MMADHC: variants seen among roughly 807,000 people sequenced by gnomAD.
The protein encoded by MMADHC is cobalamin trafficking protein CblD.
Under a neutral mutation model 36.3 loss-of-function variants are expected in MMADHC, and 23 were observed. The observed-to-expected ratio is 0.63, with a 90% CI of 0.46 to 0.90. The LOEUF is 0.90. MMADHC is among the 40% of genes least tolerant of loss of function. The pLI is 0.00. For synonymous variants in MMADHC, 97 were observed against 116.1 expected, an observed-to-expected ratio of 0.84 and a Z score of 1.06; for missense variants, 330 against 348.0, an observed-to-expected ratio of 0.95 and a Z score of 0.41.
chr2:149,576,768 T>C (rs573805349), intron 4 of MMADHC, among the ~76,000 whole-genome samples: 107 of 152,318 alleles, frequency 7.0e-4, no homozygotes, highest in Non-Finnish European at 1.4e-3. Context: ...AGAGCATGAA[T>C]ATATAAATAT....
At chr2:149,577,826 T>C (rs548719495) in intron 4 of MMADHC, among the ~76,000 whole-genome samples, 1 of 152,302 alleles carries the variant, frequency 6.6e-6, no homozygotes, top group African/African-American at 2.4e-5. Context: ...GAGACCATCC[T>C]AGCCAACATG....
chr2:149,577,666 AG>A (rs1259591909), intron 4 of MMADHC, among the ~76,000 whole-genome samples: 3 of 151,728 alleles, frequency 2.0e-5, no homozygotes, highest in African/African-American at 7.3e-5. Flanking sequence ...TCAAAAAAAA[AG>A]AAAGAAAAAA....
intron 5 of MMADHC, 39 bp from the exon 6 acceptor site, chr2:149,575,880 T>G: frequency 6.6e-7 from 1 of 1,511,888 alleles, no homozygotes; most frequent in Non-Finnish European, 9.0e-7. Flanking sequence ...GAAAAGAATT[T>G]GATTTTTAAA....
chr2:149,569,781 G>T lies in MMADHC; in HGVS notation c.*193C>A. The T allele has an allele frequency of 1.7e-6, 1 of 572,482 alleles. No individual in the cohort carries two copies. The highest frequency in any genetic ancestry group is 3.1e-6 in the Non-Finnish European group (1 of 321,618). The allele number at this position is 572,482 out of a possible 1,614,324, so 35.5% of individuals were successfully genotyped here. A position where few individuals can be genotyped will look rare whatever the true frequency, so the allele number is the denominator to read the frequency against. ...CCTATACAATGTGGATGTGTTCAAC[G>T]TGTATTCAATGATATGAATAAATGA... On this transcript the variant is annotated 3_prime_UTR_variant, in exon 8 of 8. Coordinates refer to ENST00000303319, the MANE Select transcript of MMADHC (RefSeq NM_015702.3).
Position 149,569,945 on chromosome 2 carries a change from A to G in MMADHC, c.*29T>C. The stretch of plus-strand genomic sequence containing the variant: ...AGATCAACCCAAATATTACATACAA[A>G]TAGTACAGCAAATGAATGGATATTT... On this transcript the variant is annotated 3_prime_UTR_variant, in exon 8 of 8. Coordinates refer to ENST00000303319, the MANE Select transcript of MMADHC (RefSeq NM_015702.3). The G allele has an allele frequency of 6.3e-7, 1 of 1,595,856 alleles. No homozygotes were observed.
intron 6 of MMADHC, among the ~76,000 whole-genome samples, chr2:149,571,707 G>A (rs917534410): frequency 2.0e-5 from 3 of 151,286 alleles, no homozygotes; most frequent in African/African-American, 4.9e-5. Context: ...GTGAACCCGG[G>A]AGGCAGAGCT....
At chr2:149,582,339 T>G in intron 2 of MMADHC, 68 bp from the exon 3 acceptor site, 30 of 1,524,964 alleles carry the variant, frequency 2.0e-5, no homozygotes, top group Middle Eastern at 1.7e-4. Flanking sequence ...AGACAATCTC[T>G]GGCAAATCTT....
At chr2:149,585,834 T>TA (rs1304873438) in intron 2 of MMADHC, among the ~76,000 whole-genome samples, 3 of 152,254 alleles carry the variant, frequency 2.0e-5, no homozygotes. Context: ...TACTGAAACT[T>TA]AAATTTATTT....
rs760971849 is a variant in MMADHC at position 149,576,542 on chromosome 2, C to G, written c.373G>C (p.Gly125Arg). The G allele has an allele frequency of 6.9e-6, 11 of 1,601,822 alleles. No homozygotes were observed. The South Asian group carries it at 1.2e-4, about 18-fold the overall frequency. ...VMAQYVNEFQ[G>R]NDAPVEQEIN... ...TCTTGTTCAACAGGTGCATCATTACCCTAAGGGGAACAAGGATATAAGTCA... is the reference window on the plus strand; with the variant it reads ...TCTTGTTCAACAGGTGCATCATTACGCTAAGGGGAACAAGGATATAAGTCA... The change falls in exon 5 of 8, where the codon GGT becomes CGT. Residue 125 changes from glycine to arginine, a missense_variant and splice_region_variant. Transcript: ENST00000303319.
chr2:149,573,268 C>CA (rs1436199276), intron 6 of MMADHC, among the ~76,000 whole-genome samples: 2 of 151,430 alleles, frequency 1.3e-5, no homozygotes, highest in African/African-American at 4.9e-5. Flanking sequence ...AAACAAACAA[C>CA]AAAAAACCCA....
intron 2 of MMADHC, 106 bp downstream of exon 2, chr2:149,586,983 A>G: frequency 8.6e-7 from 1 of 1,157,448 alleles, no homozygotes; most frequent in South Asian, 1.2e-5. Context: ...GATACATTAT[A>G]TCTAACACTA....
chr2:149,575,955 G>T lies in MMADHC; in HGVS notation c.479-114C>A, dbSNP rs10932467. Reference sequence around the variant, plus strand: ...AAAATGCTGATTAAGTAAAATTACTGTGGTATTAGTTAATTTTTATAAATG... The same window carrying T: ...AAAATGCTGATTAAGTAAAATTACTTTGGTATTAGTTAATTTTTATAAATG... On this transcript the variant is annotated intron_variant, in intron 5 of 7. Transcript: ENST00000303319. 606,677 of 800,114 alleles carry T rather than the reference G, an allele frequency of 0.76. 237,298 individuals carry two copies. Among genetic ancestry groups the T allele is most frequent in the East Asian group, 0.87 (31,888 of 36,518 alleles). 49.6% of individuals were successfully genotyped at this position (800,114 alleles called of 1,614,324 possible).
chr2:149,585,365 G>A (rs1258861251), intron 2 of MMADHC, among the ~76,000 whole-genome samples: 2 of 152,160 alleles, frequency 1.3e-5, no homozygotes, highest in East Asian at 3.8e-4. Context: ...ACTAAGTTCT[G>A]CTTTTGATCA....
At chr2:149,580,130 C>T (rs1023844959) in intron 3 of MMADHC, among the ~76,000 whole-genome samples, 3 of 152,144 alleles carry the variant, frequency 2.0e-5, no homozygotes, top group Non-Finnish European at 4.4e-5. Context: ...CTCAGCCTCC[C>T]AAGTAGCTGG....
chr2:149,585,900 A>G (rs916693498), intron 2 of MMADHC, among the ~76,000 whole-genome samples: 10 of 152,202 alleles, frequency 6.6e-5, no homozygotes, highest in Non-Finnish European at 1.0e-4. Flanking sequence ...CTACTGAACT[A>G]TTATAATTTA....
chr2:149,587,236 G>T, intron 1 of MMADHC, 87 bp from the exon 2 acceptor site: 1 of 830,250 alleles, frequency 1.2e-6, no homozygotes, highest in Non-Finnish European at 2.0e-6. Flanking sequence ...TCGAAGGTGT[G>T]TCGTCCACCA....
In MMADHC at chr2:149,587,668, C is replaced by T. The variant is rs1021086354; in HGVS notation, c.-57G>A. On this transcript the variant is annotated 5_prime_UTR_variant, in exon 1 of 8. An upstream open reading frame in the 5' UTR loses its in-frame stop. Transcript: ENST00000303319. ...ATGGGCGGAAACCATCCGTACCAGTCACCACCACTGTCTCCAGCTGTCCCA... is the reference window on the plus strand; with the variant it reads ...ATGGGCGGAAACCATCCGTACCAGTTACCACCACTGTCTCCAGCTGTCCCA... 6.4e-6 allele frequency: 1 copy of T among 156,942 alleles called. No individual in the cohort carries two copies. The highest frequency in any genetic ancestry group is 2.4e-5 in the African/African-American group (1 of 41,518). The allele number at this position is 156,942 out of a possible 1,614,324, so 9.7% of individuals were successfully genotyped here.
intron 2 of MMADHC, among the ~76,000 whole-genome samples, chr2:149,583,825 A>G (rs1238368854): frequency 6.6e-6 from 1 of 151,962 alleles, no homozygotes; most frequent in Non-Finnish European, 1.5e-5. Flanking sequence ...CCCTTACTCT[A>G]CTTTTCAATT....
intron 7 of MMADHC, 32 bp downstream of exon 7, chr2:149,571,053 T>TATAATC: frequency 1.4e-6 from 2 of 1,457,070 alleles, no homozygotes; most frequent in Non-Finnish European, 1.9e-6. Context: ...CTCTACTTCA[T>TATAATC]ATAATCTGAT....
Sources: allele counts gnomAD v4.1 joint callset (sites outside exome capture counted in the v4.1 genomes callset), GRCh38; gene constraint gnomAD v4.1.1; transcripts MANE v1.5; gene names NCBI Gene and HGNC (gene_info 2026-07-23, HGNC 2026-07-21).